Variants in MICALL1 observed in about 807,000 individuals in gnomAD.
MICALL1 encodes the protein MICAL like 1.
In MICALL1, 61 loss-of-function variants were observed where a neutral mutation model predicts 83.7. The observed-to-expected ratio is 0.73, with a 90% CI of 0.59 to 0.90. The LOEUF (loss-of-function observed/expected upper bound fraction) is 0.90. Ranked by LOEUF, MICALL1 falls within the 40% of genes least tolerant of loss-of-function variation. The pLI is 0.00. For synonymous variants in MICALL1, 481 were observed against 473.6 expected (o/e 1.02, Z -0.20); for missense variants, 1,066 against 1,152.0 (o/e 0.93, Z 1.08).
chr22:37,912,320 G>A, intron 2 of MICALL1, 31 bp from the exon 3 acceptor site: 1 of 1,582,368 alleles, frequency 6.3e-7, no homozygotes, highest in Admixed American at 1.8e-5. Context: ...TGCTTCGGCT[G>A]CTCCCGCCCT....
Position 37,927,496 on chromosome 22 carries a change from G to C in MICALL1, c.1551G>C (p.Glu517Asp), listed in dbSNP as rs766369657. The change falls in exon 9 of 16, where the codon GAG becomes GAC. Residue 517 changes from glutamate (E) to aspartate (D), a missense_variant. Transcript: ENST00000215957. ...PALSVESLSS[E>D]SASQTAGAEL... Reference sequence around the variant, plus strand: ...TCAGCGTGGAGAGCCTGTCGTCTGAGAGCGCCAGCCAGACTGCAGGTGCAG... The same window carrying C: ...TCAGCGTGGAGAGCCTGTCGTCTGACAGCGCCAGCCAGACTGCAGGTGCAG... 2.6e-5 allele frequency: 42 copies of C among 1,612,160 alleles called. No homozygotes were observed. The highest frequency in any genetic ancestry group is 2.5e-5 in the Non-Finnish European group (30 of 1,178,622).
intron 9 of MICALL1, 50 bp downstream of exon 9, chr22:37,927,876 C>A (rs372286786): frequency 1.3e-6 from 2 of 1,509,156 alleles, no homozygotes; most frequent in African/African-American, 2.8e-5. Flanking sequence ...CTAGTGGATG[C>A]GGGTCTGGTC....
chr22:37,927,792 C>T lies in MICALL1; in HGVS notation c.1847C>T (p.Ser616Phe). Residue 616 changes from serine (S) to phenylalanine (F), a missense_variant, in exon 9 of 16, where the codon TCC becomes TTC. By Grantham distance (155) the Ser-to-Phe change is radical. Coordinates refer to ENST00000215957, the MANE Select transcript of MICALL1 (RefSeq NM_033386.4). Reference protein sequence around the residue: ...LLVGDRSPVPSPGSSSPQLQV... With the variant: ...LLVGDRSPVPFPGSSSPQLQV... The stretch of plus-strand genomic sequence containing the variant: ...GTTGGAGACAGGAGCCCGGTGCCTT[C>T]CCCTGGAAGCTCGTCCCCACAGCTG... The T allele has an allele frequency of 6.2e-7, 1 of 1,611,206 alleles. No homozygotes were observed. Among genetic ancestry groups the T allele is most frequent in the South Asian group, 1.1e-5 (1 of 90,998 alleles).
At position 37,911,935 on chromosome 22, in the gene MICALL1, C is replaced by T. The variant is rs1435877807; in HGVS notation, c.147-17C>T. 20 of 1,614,066 alleles carry T rather than the reference C, an allele frequency of 1.2e-5. No individual in the cohort carries two copies. Among genetic ancestry groups the T allele is most frequent in the Non-Finnish European group, 1.6e-5 (19 of 1,180,014 alleles). The stretch of plus-strand genomic sequence containing the variant: ...ACCTCCCCTCTTGACCAACCCTCCT[C>T]CCTTTGCCTCTTGCAGAGATTTTGA... On this transcript the variant is annotated splice_polypyrimidine_tract_variant and intron_variant, in intron 1 of 15. Coordinates refer to ENST00000215957, the MANE Select transcript of MICALL1 (RefSeq NM_033386.4).
In MICALL1 at chr22:37,940,968, C is replaced by T. The variant is rs904707301; in HGVS notation, c.*138C>T. ...GGGGAGGGATCCTCTGGGTGATGGC[C>T]TCTTCCTCCTCAGGGACCTCTGACT... On this transcript the variant is annotated 3_prime_UTR_variant, in exon 16 of 16. Coordinates refer to ENST00000215957, the MANE Select transcript of MICALL1 (RefSeq NM_033386.4). The T allele has an allele frequency of 9.3e-6, 10 of 1,073,984 alleles. No homozygotes were observed. The African/African-American group carries it at 1.3e-4, about 14-fold the overall frequency. 66.5% of individuals were successfully genotyped at this position (1,073,984 alleles called of 1,614,324 possible).
intron 15 of MICALL1, among the ~76,000 whole-genome samples, chr22:37,939,361 T>G (rs189934377): frequency 9.3e-4 from 141 of 152,328 alleles, no homozygotes; most frequent in Admixed American, 3.7e-3. Flanking sequence ...GGCCTACATT[T>G]TCCTTGTCTA....
At position 37,932,740 on chromosome 22, in the gene MICALL1, G is replaced by A. The variant is rs1276443108; in HGVS notation, c.2144-58G>A. 18 of 1,612,812 alleles carry A rather than the reference G, an allele frequency of 1.1e-5. No individual in the cohort carries two copies. Among genetic ancestry groups the A allele is most frequent in the East Asian group, 2.2e-5 (1 of 44,828 alleles). On this transcript the variant is annotated intron_variant, in intron 11 of 15. Coordinates refer to ENST00000215957, the MANE Select transcript of MICALL1 (RefSeq NM_033386.4). The surrounding 1 kb of genome is among the most constrained non-coding windows in gnomAD (Gnocchi z 4.4). ...CTGGGGGCAGGAGCCTCTATTCCCC[G>A]GGGAACTGAGCCAGGCATGGCAGCC... is the stretch of plus-strand genomic sequence containing the variant.
At position 37,925,669 on chromosome 22, in the gene MICALL1, C is replaced by G. The variant is rs750047747; in HGVS notation, c.1091C>G (p.Ala364Gly). ...GTPKPSEGTP[A>G]PRKDPPWITL... ...CTTCCCCCCTCCTCCAGGACACCAG[C>G]CCCCAGGAAGGACCCCCCATGGATC... Residue 364 changes from alanine to glycine, a missense_variant, in exon 8 of 16, where the codon GCC (alanine) becomes GGC (glycine). Transcript: ENST00000215957. 8.7e-6 allele frequency: 14 copies of G among 1,602,520 alleles called. No homozygotes were observed. The East Asian group carries it at 2.9e-4, about 33-fold the overall frequency.
At position 37,919,623 on chromosome 22, in the gene MICALL1, G is replaced by A. The variant is rs145456820; in HGVS notation, c.569+445G>A. On this transcript the variant is annotated intron_variant, in intron 5 of 15. Coordinates refer to ENST00000215957, the MANE Select transcript of MICALL1 (RefSeq NM_033386.4). ...TGCATTCCAGCCTGGGTGACAGAGCGAGACTCTGTCTCAAAAAAAAAAAAA... is the reference window on the plus strand; with the variant it reads ...TGCATTCCAGCCTGGGTGACAGAGCAAGACTCTGTCTCAAAAAAAAAAAAA... Among the ~76,000 whole-genome samples the A allele has an allele frequency of 7.6e-3, 903 of 118,376 alleles. 6 individuals are homozygous for A. Among genetic ancestry groups the A allele is most frequent in the South Asian group, 0.029 (102 of 3,562 alleles). The allele number at this position is 118,376 out of a possible 152,430, so 77.7% of individuals were successfully genotyped here.
intron 15 of MICALL1, 146 bp downstream of exon 15, chr22:37,937,938 G>A: frequency 2.0e-6 from 2 of 1,001,958 alleles, no homozygotes; most frequent in South Asian, 2.9e-5. Context: ...GTGCAGAGAG[G>A]GCTGTGTGTA....
In MICALL1 at chr22:37,906,307, C is replaced by A; in HGVS notation, c.-116C>A. ...TCCGCCCCTCCCCTCGCCTGCCGGT[C>A]GGCGCCCGAGCTCGGAGCCGCAGCC... is the stretch of plus-strand genomic sequence containing the variant. On this transcript the variant is annotated 5_prime_UTR_variant, in exon 1 of 16. Coordinates refer to ENST00000215957, the MANE Select transcript of MICALL1 (RefSeq NM_033386.4). This position sits in a 1 kb window ranked among gnomAD's most constrained non-coding sequence, Gnocchi z 4.4. 2 of 780,572 alleles carry A rather than the reference C, an allele frequency of 2.6e-6. No homozygotes were observed. The highest frequency in any genetic ancestry group is 1.6e-6 in the Non-Finnish European group (1 of 643,600). 48.4% of individuals were successfully genotyped at this position (780,572 alleles called of 1,614,324 possible). A position where few individuals can be genotyped will look rare whatever the true frequency, so the allele number is the denominator to read the frequency against.
chr22:37,919,336 A>G (rs913238526), intron 5 of MICALL1, among the ~76,000 whole-genome samples, 158 bp downstream of exon 5: 1 of 152,240 alleles, frequency 6.6e-6, no homozygotes, highest in Non-Finnish European at 1.5e-5. Flanking sequence ...TAGTGAGGGG[A>G]AAAGCAGTTG....
chr22:37,926,022 G>T lies in MICALL1; in HGVS notation c.1444G>T (p.Ala482Ser), dbSNP rs781038559. The T allele has an allele frequency of 6.8e-6, 11 of 1,605,872 alleles. No homozygotes were observed. Among genetic ancestry groups the T allele is most frequent in the Admixed American group, 1.7e-5 (1 of 59,246 alleles). The change falls in exon 8 of 16, where the codon GCA becomes TCA. Residue 482 changes from alanine to serine, a missense_variant. By Grantham distance (99) the Ala-to-Ser change is moderately conservative. Coordinates refer to ENST00000215957, the MANE Select transcript of MICALL1 (RefSeq NM_033386.4). ...GACAAAGAAGCGCCCTGCCCCGCGCGCACCCAGCGCGTCCCCACTGGGTGA... is the reference window on the plus strand; with the variant it reads ...GACAAAGAAGCGCCCTGCCCCGCGCTCACCCAGCGCGTCCCCACTGGGTGA... ...PKTKKRPAPR[A>S]PSASPLALHA...
Position 37,906,464 on chromosome 22 carries a change from C to G in MICALL1, c.42C>G (p.Arg14=). 8.2e-7 allele frequency: 1 copy of G among 1,219,814 alleles called. No individual in the cohort carries two copies. Among genetic ancestry groups the G allele is most frequent in the Non-Finnish European group, 1.0e-6 (1 of 972,926 alleles). The allele number at this position is 1,219,814 out of a possible 1,614,324, so 75.6% of individuals were successfully genotyped here. Residue 14 remains arginine (R), a synonymous_variant, in exon 1 of 16, where the codon CGC becomes CGG. Transcript: ENST00000215957. The surrounding 1 kb of genome is among the most constrained non-coding windows in gnomAD (Gnocchi z 4.4). ...GCGCGCTGCTGGCCTGGTGCCGCCG[C>G]CAGTGCGAGGGCTACCGCGGCGTGG... ...PRGALLAWCR[R]QCEGYRGVEI...
chr22:37,932,967 C>T lies in MICALL1; in HGVS notation c.2235-72C>T. On this transcript the variant is annotated intron_variant, in intron 12 of 15. Transcript: ENST00000215957. The surrounding 1 kb of genome is among the most constrained non-coding windows in gnomAD (Gnocchi z 4.4). ...GAGAACCCTTACCCTCTTCCCTCAT[C>T]AGTAACAGCGCAGGGCAGGGCAGCC... 1.2e-6 allele frequency: 2 copies of T among 1,611,678 alleles called. No individual in the cohort carries two copies. Among genetic ancestry groups the T allele is most frequent in the Non-Finnish European group, 1.7e-6 (2 of 1,177,860 alleles).
At chr22:37,939,787 AAAAAAAAAAAG>A (rs1930333430) in intron 15 of MICALL1, among the ~76,000 whole-genome samples, 1 of 142,922 alleles carries the variant, frequency 7.0e-6, no homozygotes, top group Non-Finnish European at 1.5e-5. Flanking sequence ...AAAAAAAAAA[AAAAAAAAAAAG>A]ATAAGTGGGG....
intron 13 of MICALL1, among the ~76,000 whole-genome samples, chr22:37,935,032 A>T (rs1930026639): frequency 6.8e-6 from 1 of 147,046 alleles, no homozygotes; most frequent in African/African-American, 2.5e-5. Flanking sequence ...CCCCAGGTTG[A>T]CACCATTCTC....
intron 1 of MICALL1, among the ~76,000 whole-genome samples, chr22:37,908,327 G>A (rs979005814): frequency 6.6e-6 from 1 of 150,700 alleles, no homozygotes. Flanking sequence ...TTGAGATGGG[G>A]TCTCACTCTG....
At chr22:37,940,639 C>G (rs145275022) in intron 15 of MICALL1, 70 bp from the exon 16 acceptor site, 90 of 1,580,506 alleles carry the variant, frequency 5.7e-5, no homozygotes, top group Non-Finnish European at 7.4e-5. Flanking sequence ...GCCTGTGTCA[C>G]TGGGTCTAGC....
Sources: allele counts gnomAD v4.1 joint callset (sites outside exome capture counted in the v4.1 genomes callset), GRCh38; gene constraint gnomAD v4.1.1; non-coding constraint Gnocchi (gnomAD v3.1); transcripts MANE v1.5; gene names NCBI Gene and HGNC (gene_info 2026-07-23, HGNC 2026-07-21).